RAB12: variants seen among roughly 807,000 people sequenced by gnomAD.
RAB12 encodes RAB12, member RAS oncogene family, also known as ras-related protein Rab-12.
In RAB12, 11 loss-of-function variants were observed where a neutral mutation model predicts 28.4. The ratio of observed to expected loss-of-function variants is 0.39; its 90% CI spans 0.24 to 0.64. The LOEUF is 0.64. Among genes scored for constraint, RAB12 ranks in the 30% least tolerant of loss-of-function variants. The pLI is 0.50. For missense variants in RAB12, 276 were observed against 351.1 expected, an observed-to-expected ratio of 0.79 and a Z score of 1.71; for synonymous variants, 138 against 145.3, an observed-to-expected ratio of 0.95 and a Z score of 0.36.
At chr18:8,614,608 G>A (rs991547180) in intron 1 of RAB12, among the ~76,000 whole-genome samples, 9 of 151,404 alleles carry the variant, frequency 5.9e-5, no homozygotes, top group East Asian at 1.9e-4. Context: ...TTTTTGAGAC[G>A]AAGTCTCACC....
intron 2 of RAB12, 32 bp downstream of exon 2, chr18:8,625,030 CTG>C (rs1311202605): frequency 5.7e-6 from 8 of 1,400,142 alleles, no homozygotes; most frequent in African/African-American, 2.8e-5. Flanking sequence ...CAGTAATGTG[CTG>C]TGTGTGTTTA....
At position 8,609,657 on chromosome 18, in the gene RAB12, C is replaced by T. The variant is rs1303687694; in HGVS notation, c.218C>T (p.Pro73Leu). 4.8e-6 allele frequency: 4 copies of T among 828,644 alleles called. No individual in the cohort carries two copies. Among genetic ancestry groups the T allele is most frequent in the East Asian group, 1.3e-4 (1 of 7,944 alleles). The allele number at this position is 828,644 out of a possible 1,614,324, so 51.3% of individuals were successfully genotyped here. A position where few individuals can be genotyped will look rare whatever the true frequency, so the allele number is the denominator to read the frequency against. Residue 73 changes from proline (P) to leucine (L), a missense_variant, in exon 1 of 6, where the codon CCG becomes CTG. By Grantham distance (98) the Pro-to-Leu change is moderately conservative (BLOSUM62 -3). Around this residue, in one of 4 missense-constraint regions of RAB12, gnomAD observed 72 missense variants for 55.5 expected, o/e 1.30. Transcript: ENST00000649141. ...CGCGCGGCGGAGGCCGAGGGGGCGC[C>T]GGGGCCCGGGGCGCGCAGCCGGGGG... ...PPRAAEAEGA[P>L]GPGARSRGAG...
At chr18:8,624,745 G>A (rs2096011744) in intron 1 of RAB12, among the ~76,000 whole-genome samples, 193 bp from the exon 2 acceptor site, 1 of 152,228 alleles carries the variant, frequency 6.6e-6, no homozygotes, top group African/African-American at 2.4e-5. Context: ...TCCCAGTGTG[G>A]ACTGAAGCGT....
chr18:8,636,944 A>G (rs952514259), intron 5 of RAB12, among the ~76,000 whole-genome samples: 2 of 152,206 alleles, frequency 1.3e-5, no homozygotes, highest in African/African-American at 4.8e-5. Context: ...TGCTCAGTTC[A>G]TACATAATTC....
At chr18:8,611,300 A>G (rs936424080) in intron 1 of RAB12, among the ~76,000 whole-genome samples, 1 of 152,234 alleles carries the variant, frequency 6.6e-6, no homozygotes, top group Non-Finnish European at 1.5e-5. Flanking sequence ...TAAATAAAGT[A>G]GGGTTAAATT....
chr18:8,632,275 C>G (rs2148711060), intron 2 of RAB12, among the ~76,000 whole-genome samples: 1 of 135,492 alleles, frequency 7.4e-6, no homozygotes, highest in Non-Finnish European at 1.5e-5. Context: ...GAGCTAGACT[C>G]TGTCTCCAAA....
chr18:8,639,189 T>G lies in RAB12; in HGVS notation c.*927T>G, dbSNP rs2096020994. ...TTTTTTTTTTTTTTTTTTTTTTTTT[T>G]TTTGGTCTGATGATGAATTTGTGAA... On this transcript the variant is annotated 3_prime_UTR_variant, in exon 6 of 6. Coordinates refer to ENST00000649141, the MANE Select transcript of RAB12 (RefSeq NM_001025300.3). 1 of 133,956 alleles carries G rather than the reference T, an allele frequency of 7.5e-6. No individual in the cohort carries two copies. The highest frequency in any genetic ancestry group is 1.6e-5 in the Non-Finnish European group (1 of 63,420). 8.3% of individuals were successfully genotyped at this position (133,956 alleles called of 1,614,324 possible).
chr18:8,625,092 T>C, intron 2 of RAB12, 94 bp downstream of exon 2: 2 of 708,994 alleles, frequency 2.8e-6, no homozygotes, highest in Non-Finnish European at 4.8e-6. Flanking sequence ...CTGATTTGCC[T>C]CTCCTACTTT....
chr18:8,634,267 C>T (rs1163608196), intron 3 of RAB12, among the ~76,000 whole-genome samples: 1 of 87,728 alleles, frequency 1.1e-5, no homozygotes, highest in Non-Finnish European at 2.9e-5. Context: ...TAGTGGGACT[C>T]CATCTCTCTC....
rs2096020183 is a variant in RAB12 at position 8,638,357 on chromosome 18, C to G, written c.*95C>G. On this transcript the variant is annotated 3_prime_UTR_variant, in exon 6 of 6. Transcript: ENST00000649141. ...ATCATTTTGACAATTTCCTTTCGCA[C>G]TTTGTAATCCAAGTCAGAGCTATAC... 1 of 831,220 alleles carries G rather than the reference C, an allele frequency of 1.2e-6. No homozygotes were observed. The highest frequency in any genetic ancestry group is 2.1e-5 in the Admixed American group (1 of 46,776). The allele number at this position is 831,220 out of a possible 1,614,324, so 51.5% of individuals were successfully genotyped here. A position where few individuals can be genotyped will look rare whatever the true frequency, so the allele number is the denominator to read the frequency against.
At chr18:8,628,722 G>A (rs948087876) in intron 2 of RAB12, among the ~76,000 whole-genome samples, 1 of 152,198 alleles carries the variant, frequency 6.6e-6, no homozygotes, top group African/African-American at 2.4e-5. Flanking sequence ...AGATTCCTGA[G>A]TATGCTATTC....
intron 1 of RAB12, among the ~76,000 whole-genome samples, chr18:8,617,043 C>T (rs536284314): frequency 1.5e-3 from 235 of 152,334 alleles, no homozygotes; most frequent in African/African-American, 5.3e-3. Context: ...AGTTTCAGCT[C>T]CAGGACAGGC....
chr18:8,609,980 C>T (rs565008699), intron 1 of RAB12, 27 bp downstream of exon 1: 12 of 1,580,004 alleles, frequency 7.6e-6, no homozygotes, highest in South Asian at 2.3e-5. Context: ...GACCCTGGGC[C>T]GGGCCTCCTG....
At chr18:8,624,098 C>T (rs944975041) in intron 1 of RAB12, among the ~76,000 whole-genome samples, 1 of 152,246 alleles carries the variant, frequency 6.6e-6, no homozygotes, top group Non-Finnish European at 1.5e-5. Flanking sequence ...ATCGTCTACA[C>T]CCTGGGTCCC....
chr18:8,618,074 G>A (rs2096007647), intron 1 of RAB12, among the ~76,000 whole-genome samples: 2 of 152,218 alleles, frequency 1.3e-5, no homozygotes, highest in African/African-American at 4.8e-5. Flanking sequence ...ACTCTGCTGG[G>A]CTCCAGCCAC....
chr18:8,620,139 CT>C (rs71165795), intron 1 of RAB12, among the ~76,000 whole-genome samples: 1,427 of 53,986 alleles, frequency 0.026, 2 homozygotes, highest in South Asian at 0.057. Context: ...TTTTCTTCTT[CT>C]TTTTTTTTTT....
chr18:8,638,015 AG>A (rs1383895530), intron 5 of RAB12, 133 bp from the exon 6 acceptor site: 2 of 600,618 alleles, frequency 3.3e-6, no homozygotes, highest in African/African-American at 3.7e-5. Flanking sequence ...GAGGCAGGAG[AG>A]GCAGGTGAAA....
intron 4 of RAB12, 150 bp from the exon 5 acceptor site, chr18:8,636,103 C>G: frequency 1.6e-6 from 1 of 618,282 alleles, no homozygotes; most frequent in East Asian, 2.9e-5. Flanking sequence ...TAAGAATTTG[C>G]TACACTTGTG....
chr18:8,637,731 C>T (rs72938812), intron 5 of RAB12, among the ~76,000 whole-genome samples: 3,631 of 152,246 alleles, frequency 0.024, 69 homozygotes, highest in South Asian at 0.074. Context: ...GACTGGAAGC[C>T]TTACTGATAA....
Sources: gnomAD v4.1 joint callset for allele counts (sites outside exome capture counted in the v4.1 genomes callset) on GRCh38, gnomAD v4.1.1 for gene constraint, gnomAD v4.1.1 regional missense constraint, MANE v1.5 for transcripts, NCBI Gene and HGNC (gene_info 2026-07-23, HGNC 2026-07-21) for gene names.